The following C8B variants were observed in gnomAD, a reference collection of about 807,000 sequenced individuals.
C8B encodes the protein complement C8 beta chain.
A neutral mutation model predicts 64.6 loss-of-function variants in C8B; 67 were observed. The observed-to-expected ratio is 1.04, with a 90% CI of 0.85 to 1.27. The LOEUF (loss-of-function observed/expected upper bound fraction) is 1.27, where lower values mean the gene tolerates loss of function less well. Among genes scored for constraint, C8B ranks in the 50% most tolerant of loss-of-function variants. The pLI is 0.00. For synonymous variants in C8B, 284 were observed against 257.7 expected, an observed-to-expected ratio of 1.10 and a Z score of -0.98; for missense variants, 790 against 725.2, an observed-to-expected ratio of 1.09 and a Z score of -1.03.
intron 10 of C8B, among the ~76,000 whole-genome samples, chr1:56,932,832 C>T (rs758035382): frequency 6.6e-6 from 1 of 152,140 alleles, no homozygotes; most frequent in Non-Finnish European, 1.5e-5. Context: ...GCTCCTGATG[C>T]CCTGTTTTGT....
At position 56,940,884 on chromosome 1, in the gene C8B, C is replaced by T. The variant is rs201806369; in HGVS notation, c.1363G>A (p.Ala455Thr). 34 of 1,613,846 alleles carry T rather than the reference C, an allele frequency of 2.1e-5. No individual in the cohort carries two copies. The highest frequency in any genetic ancestry group is 4.0e-5 in the African/African-American group (3 of 74,840). ...TADLMQEWGD[A>T]VQYNPAIIKV... is the part of the protein sequence containing the mutation. ...ATGATGGCTGGGTTGTACTGCACAG[C>T]GTCTCCCCACTCCTGCATCAGGTCC... The change falls in exon 9 of 12, where the codon GCT becomes ACT. Residue 455 changes from alanine to threonine, a missense_variant. Transcript: ENST00000371237.
intron 9 of C8B, among the ~76,000 whole-genome samples, chr1:56,936,585 T>C (rs1200601706): frequency 6.7e-6 from 1 of 149,674 alleles, no homozygotes; most frequent in Non-Finnish European, 1.5e-5. Flanking sequence ...GGTTTTTTCT[T>C]TTCCTTTTTT....
At chr1:56,946,437 C>A (rs1644943693) in intron 6 of C8B, among the ~76,000 whole-genome samples, 1 of 152,102 alleles carries the variant, frequency 6.6e-6, no homozygotes, top group African/African-American at 2.4e-5. Flanking sequence ...GAAAAAAAGC[C>A]GTGCAAGAAA....
chr1:56,954,905 G>A (rs1645080331), intron 3 of C8B, 78 bp from the exon 4 acceptor site: 3 of 1,564,680 alleles, frequency 1.9e-6, no homozygotes, highest in Non-Finnish European at 2.6e-6. Flanking sequence ...CACCTACCAA[G>A]TGCCAGACCT....
At chr1:56,945,717 G>T in intron 7 of C8B, 104 bp downstream of exon 7, 1 of 1,395,762 alleles carries the variant, frequency 7.2e-7, no homozygotes, top group South Asian at 1.2e-5. Flanking sequence ...ATCTGCAAAT[G>T]ACACTGTGAA....
chr1:56,940,884 C>A lies in C8B; in HGVS notation c.1363G>T (p.Ala455Ser), dbSNP rs201806369. Residue 455 changes from alanine to serine, a missense_variant, in exon 9 of 12, where the codon GCT (alanine) becomes TCT (serine). Ala to Ser is a moderately conservative substitution (Grantham distance 99). Coordinates refer to ENST00000371237, the MANE Select transcript of C8B (RefSeq NM_000066.4). ...ATGATGGCTGGGTTGTACTGCACAG[C>A]GTCTCCCCACTCCTGCATCAGGTCC... ...TADLMQEWGD[A>S]VQYNPAIIKV... 6.2e-7 allele frequency: 1 copy of A among 1,613,966 alleles called. No homozygotes were observed. The highest frequency in any genetic ancestry group is 1.7e-5 in the Admixed American group (1 of 60,004).
intron 3 of C8B, among the ~76,000 whole-genome samples, chr1:56,955,077 T>C (rs2101446111): frequency 6.6e-6 from 1 of 152,282 alleles, no homozygotes; most frequent in South Asian, 2.1e-4. Flanking sequence ...TCTCTCTCCC[T>C]GGGGCTGGAA....
At chr1:56,937,632 G>A (rs896914784) in intron 9 of C8B, among the ~76,000 whole-genome samples, 1 of 152,104 alleles carries the variant, frequency 6.6e-6, no homozygotes, top group African/African-American at 2.4e-5. Context: ...GTTAAAGACA[G>A]GCCATTCAGT....
intron 3 of C8B, among the ~76,000 whole-genome samples, chr1:56,955,648 A>T (rs575229934): frequency 5.3e-5 from 8 of 152,334 alleles, no homozygotes; most frequent in African/African-American, 1.9e-4. Context: ...CTGTCCAAAT[A>T]ACCATCATGG....
intron 4 of C8B, among the ~76,000 whole-genome samples, chr1:56,953,954 A>T (rs1342222742): frequency 6.6e-6 from 1 of 152,186 alleles, no homozygotes; most frequent in Admixed American, 6.5e-5. Flanking sequence ...CTCTAGTGAC[A>T]ACTTTAAAAA....
intron 11 of C8B, among the ~76,000 whole-genome samples, chr1:56,931,385 A>G (rs1172569771): frequency 6.6e-6 from 1 of 152,220 alleles, no homozygotes; most frequent in Non-Finnish European, 1.5e-5. Context: ...ACAAAGAGCT[A>G]TAATAGATAC....
In C8B at chr1:56,952,081, C is replaced by T. The variant is rs1645029407; in HGVS notation, c.633G>A (p.Arg211=). ...SPHYILNTRF[R]KPYNVESYTP... is the part of the protein sequence containing the mutation. ...TGTAGCTTTCCACATTGTAGGGCTT[C>T]CTAAACCTCGTGTTCAGGATGTAAT... The change falls in exon 5 of 12, where the codon AGG becomes AGA. Residue 211 remains arginine (R), a synonymous_variant. Transcript: ENST00000371237. 7 of 1,614,144 alleles carry T rather than the reference C, an allele frequency of 4.3e-6. No homozygotes were observed. The highest frequency in any genetic ancestry group is 2.2e-5 in the East Asian group (1 of 44,870).
chr1:56,963,921 A>T lies in C8B; in HGVS notation c.92+1936T>A, dbSNP rs193146513. On this transcript the variant is annotated intron_variant, in intron 1 of 11. Transcript: ENST00000371237. ...AGAACAAAAAACTCTTTTGGCCAAT[A>T]CGAAGGTGGTCTCAGCATTTTCTGT... 4 of 985,390 alleles carry T rather than the reference A, an allele frequency of 4.1e-6. No individual in the cohort carries two copies. The East Asian group carries it at 3.4e-4, about 84-fold the overall frequency. The allele number at this position is 985,390 out of a possible 1,614,324, so 61.0% of individuals were successfully genotyped here.
At chr1:56,941,073 T>C in intron 8 of C8B, 61 bp from the exon 9 acceptor site, 1 of 1,588,632 alleles carries the variant, frequency 6.3e-7, no homozygotes. Context: ...TAGAATTTGC[T>C]GCAACCCAAC....
chr1:56,946,198 G>A, intron 6 of C8B, 137 bp from the exon 7 acceptor site: 1 of 962,340 alleles, frequency 1.0e-6, no homozygotes, highest in Non-Finnish European at 1.6e-6. Context: ...ATACTTGAGG[G>A]AAGACAGCCT....
In C8B at chr1:56,946,148, G is replaced by T. The variant is rs980571232; in HGVS notation, c.865-87C>A. 11 of 1,508,372 alleles carry T rather than the reference G, an allele frequency of 7.3e-6. No homozygotes were observed. The African/African-American group carries it at 1.2e-4, about 17-fold the overall frequency. The allele number at this position is 1,508,372 out of a possible 1,614,324, so 93.4% of individuals were successfully genotyped here. The stretch of plus-strand genomic sequence containing the variant: ...ATGAACTTTACAAATACCATCCGAT[G>T]TTCTTGGCCTGGGGTCATCACTCTT... On this transcript the variant is annotated intron_variant, in intron 6 of 11. Transcript: ENST00000371237.
intron 9 of C8B, among the ~76,000 whole-genome samples, chr1:56,939,154 A>T (rs1570377848): frequency 1.3e-5 from 2 of 152,316 alleles, no homozygotes; most frequent in South Asian, 4.1e-4. Flanking sequence ...AAAAAGATTC[A>T]GGTAAGATAT....
At chr1:56,950,687 G>A (rs943609075) in intron 5 of C8B, among the ~76,000 whole-genome samples, 10 of 152,132 alleles carry the variant, frequency 6.6e-5, no homozygotes, top group East Asian at 3.9e-4. Flanking sequence ...TTGTCTAGTC[G>A]GATGACTTTG....
intron 8 of C8B, among the ~76,000 whole-genome samples, 164 bp from the exon 9 acceptor site, chr1:56,941,176 G>A (rs962712952): frequency 2.0e-5 from 3 of 152,134 alleles, no homozygotes; most frequent in Admixed American, 6.5e-5. Context: ...ATGGTGCATG[G>A]GGCAAAGGGA....
Sources: gnomAD v4.1 joint callset for allele counts (sites outside exome capture counted in the v4.1 genomes callset) on GRCh38, gnomAD v4.1.1 for gene constraint, MANE v1.5 for transcripts, NCBI Gene and HGNC (gene_info 2026-07-23, HGNC 2026-07-21) for gene names.